The following TTI1 variants were observed in gnomAD, a reference collection of about 807,000 sequenced individuals.
TTI1 encodes the protein TELO2-interacting protein 1 homolog.
In TTI1, 52 loss-of-function variants were observed where a neutral mutation model predicts 85.4. The observed-to-expected ratio is 0.61, with a 90% CI of 0.49 to 0.77. The LOEUF (loss-of-function observed/expected upper bound fraction) is 0.77. Ranked by LOEUF, TTI1 falls within the 30% of genes least tolerant of loss-of-function variation. The pLI is 0.00. For synonymous variants in TTI1, 512 were observed against 503.9 expected (o/e 1.02, Z -0.22); for missense variants, 1,173 against 1,296.0 (o/e 0.91, Z 1.46).
chr20:37,987,178 G>T (rs143691543), intron 7 of TTI1: 8 of 456,700 alleles, frequency 1.8e-5, no homozygotes, highest in Non-Finnish European at 3.5e-5. Flanking sequence ...AGTCCTTAGC[G>T]CCAGGCTTTG....
intron 3 of TTI1, among the ~76,000 whole-genome samples, chr20:38,003,205 C>A (rs1482150390): frequency 1.3e-5 from 2 of 152,140 alleles, no homozygotes; most frequent in Non-Finnish European, 2.9e-5. Context: ...TCAAGCAATC[C>A]CCCTGCCGTG....
In TTI1 at chr20:38,012,707, G is replaced by C; in HGVS notation, c.1110C>G (p.Leu370=). 1 of 1,614,194 alleles carries C rather than the reference G, an allele frequency of 6.2e-7. No homozygotes were observed. The highest frequency in any genetic ancestry group is 1.1e-5 in the South Asian group (1 of 91,078). Residue 370 remains leucine, a synonymous_variant, in exon 2 of 8, where the codon CTC becomes CTG. Coordinates refer to ENST00000373447, the MANE Select transcript of TTI1 (RefSeq NM_001303457.2). ...DQKVVVGNKA[L]ADILSESLHS... ...GCAGGCTTTCTGACAAGATGTCAGC[G>C]AGGGCTTTGTTGCCCACCACTACTT...
chr20:37,984,292 G>T (rs1371619988), intron 7 of TTI1, among the ~76,000 whole-genome samples: 2 of 152,212 alleles, frequency 1.3e-5, no homozygotes, highest in East Asian at 1.9e-4. Context: ...GGCAGGACTG[G>T]CTGAGCTCTG....
intron 5 of TTI1, 33 bp from the exon 6 acceptor site, chr20:37,996,986 C>A: frequency 6.2e-7 from 1 of 1,603,856 alleles, no homozygotes; most frequent in South Asian, 1.1e-5. Context: ...GGTGAGTGAA[C>A]ATTGCCAAGG....
rs150108702 is a variant in TTI1, at chr20:38,010,887, C to T, written c.2302+628G>A. On this transcript the variant is annotated intron_variant, in intron 2 of 7. Transcript: ENST00000373447. ...CAATTAAAAGGTTAAAAGGAAGTTT[C>T]TAGACCTGCTCTGTCCAGTATGGTA... is the stretch of plus-strand genomic sequence containing the variant. Among the ~76,000 whole-genome samples the T allele has an allele frequency of 5.6e-3, 849 of 152,288 alleles. 4 individuals are homozygous for T. The highest frequency in any genetic ancestry group is 0.01 in the Middle Eastern group (3 of 294).
rs1243767576 is a variant in TTI1 at position 37,992,197 on chromosome 20, G to C, written c.3086+4178C>G. On this transcript the variant is annotated intron_variant, in intron 7 of 7. Transcript: ENST00000373447. ...ATCTGGGCTCTGGGGTTAGCAGGTGGGAGTAGGACTGGGGGTGGAGGCCAA... is the reference window on the plus strand; with the variant it reads ...ATCTGGGCTCTGGGGTTAGCAGGTGCGAGTAGGACTGGGGGTGGAGGCCAA... Among the ~76,000 whole-genome samples, 4 of 152,286 alleles carry C rather than the reference G, an allele frequency of 2.6e-5. No homozygotes were observed. The East Asian group carries it at 7.7e-4, about 29-fold the overall frequency.
intron 1 of TTI1, 168 bp from the exon 2 acceptor site, chr20:38,014,025 T>C (rs1229407203): frequency 1.6e-6 from 1 of 618,940 alleles, no homozygotes; most frequent in South Asian, 2.1e-5. Flanking sequence ...GGGAAGTACA[T>C]GTACAGTTAC....
At chr20:37,995,734 G>A (rs776662173) in intron 7 of TTI1, among the ~76,000 whole-genome samples, 33 of 152,232 alleles carry the variant, frequency 2.2e-4, no homozygotes, top group Admixed American at 6.5e-5. Context: ...TCTCCTAGAG[G>A]TGATACAGCT....
intron 7 of TTI1, among the ~76,000 whole-genome samples, chr20:37,984,109 A>G (rs139794458): frequency 2.5e-3 from 381 of 152,284 alleles, no homozygotes; most frequent in African/African-American, 8.2e-3. Flanking sequence ...ATGGTCCTCC[A>G]GCACGCTGCT....
intron 7 of TTI1, among the ~76,000 whole-genome samples, 159 bp from the exon 8 acceptor site, chr20:37,983,798 A>G (rs2073154086): frequency 6.6e-6 from 1 of 152,250 alleles, no homozygotes; most frequent in African/African-American, 2.4e-5. Flanking sequence ...TGAGTTCCTA[A>G]GACAGGACCA....
In TTI1 at chr20:38,011,546, G is replaced by A; in HGVS notation, c.2271C>T (p.Val757=). 6.2e-7 allele frequency: 1 copy of A among 1,614,180 alleles called. No homozygotes were observed. Among genetic ancestry groups the A allele is most frequent in the South Asian group, 1.1e-5 (1 of 91,076 alleles). The part of the protein sequence containing the change: ...QFYDKRAASF[V]SVLHALMAAL... ...CTGCCATCAGAGCATGCAGAACGCT[G>A]ACAAAGGAAGCAGCTCTCTTATCGT... The change falls in exon 2 of 8, where the codon GTC becomes GTT. Residue 757 remains valine, a synonymous_variant. Coordinates refer to ENST00000373447, the MANE Select transcript of TTI1 (RefSeq NM_001303457.2).
chr20:37,983,364 C>T lies in TTI1; in HGVS notation c.*92G>A, dbSNP rs563327478. On this transcript the variant is annotated 3_prime_UTR_variant, in exon 8 of 8. Coordinates refer to ENST00000373447, the MANE Select transcript of TTI1 (RefSeq NM_001303457.2). ...CTAACTAATTCACCTTCTCTGCTGCCGCTGCCACCGCCTATGGCCGGGGTG... is the reference window on the plus strand; with the variant it reads ...CTAACTAATTCACCTTCTCTGCTGCTGCTGCCACCGCCTATGGCCGGGGTG... The T allele has an allele frequency of 7.9e-5, 105 of 1,329,210 alleles. No individual in the cohort carries two copies. Among genetic ancestry groups the T allele is most frequent in the South Asian group, 4.0e-4 (29 of 72,942 alleles). 82.3% of individuals were successfully genotyped at this position (1,329,210 alleles called of 1,614,324 possible).
At chr20:38,025,311 G>A (rs2073822475) in intron 1 of TTI1, among the ~76,000 whole-genome samples, 1 of 152,188 alleles carries the variant, frequency 6.6e-6, no homozygotes, top group South Asian at 2.1e-4. Flanking sequence ...GCTCACACCT[G>A]TAACCCGAGC....
At chr20:38,010,465 T>TC in intron 2 of TTI1, among the ~76,000 whole-genome samples, 1 of 138,488 alleles carries the variant, frequency 7.2e-6, no homozygotes, top group Non-Finnish European at 1.5e-5. Context: ...ATTTTGCCAT[T>TC]CCTTTTTTTT....
chr20:38,008,161 G>A (rs191207447), intron 2 of TTI1, among the ~76,000 whole-genome samples: 1 of 152,284 alleles, frequency 6.6e-6, no homozygotes, highest in East Asian at 1.9e-4. Context: ...GGCAAAACTG[G>A]CACTCTCGTA....
chr20:37,997,061 A>T, intron 5 of TTI1, 108 bp from the exon 6 acceptor site: 2 of 1,225,908 alleles, frequency 1.6e-6, no homozygotes, highest in Non-Finnish European at 2.2e-6. Flanking sequence ...GGGGGAAAAA[A>T]AAAATAGAAT....
rs374466573 is a variant in TTI1, at chr20:38,012,520, T to C, written c.1297A>G (p.Ile433Val). 5.0e-6 allele frequency: 8 copies of C among 1,614,078 alleles called. No individual in the cohort carries two copies. The highest frequency in any genetic ancestry group is 1.6e-4 in the Middle Eastern group (1 of 6,084). The change falls in exon 2 of 8, where the codon ATC becomes GTC. Residue 433 changes from isoleucine to valine, a missense_variant. Ile to Val is a conservative substitution (Grantham distance 29). Coordinates refer to ENST00000373447, the MANE Select transcript of TTI1 (RefSeq NM_001303457.2). ...GCCACGTCTAGCTCTAGAACTTGGA[T>C]GAGTGCTTTGGAAAGCCGCTGGAGA... ...AHLQRLSKAL[I>V]QVLELDVADI...
In TTI1 at chr20:37,996,876, A is replaced by G; in HGVS notation, c.2871T>C (p.Ala957=). The G allele has an allele frequency of 1.2e-6, 2 of 1,614,214 alleles. No homozygotes were observed. The highest frequency in any genetic ancestry group is 1.3e-5 in the African/African-American group (1 of 75,070). The change falls in exon 6 of 8, where the codon GCT becomes GCC. Residue 957 remains alanine, a synonymous_variant. Transcript: ENST00000373447. ...RFCKDVLPKL[A]GSLVTQAPIS... ...TGGGGGCCTGGGTGACTAGGGAGCCAGCCAGCTTTGGCAGGACATCTTTGC... is the reference window on the plus strand; with the variant it reads ...TGGGGGCCTGGGTGACTAGGGAGCCGGCCAGCTTTGGCAGGACATCTTTGC...
At chr20:38,019,023 A>T (rs1014384220) in intron 1 of TTI1, 6 of 152,050 alleles carry the variant, frequency 3.9e-5, no homozygotes, top group African/African-American at 1.4e-4. Flanking sequence ...GGTGGTGTGC[A>T]CTAATAGTCC....
Sources: allele counts gnomAD v4.1 joint callset (sites outside exome capture counted in the v4.1 genomes callset), GRCh38; gene constraint gnomAD v4.1.1; transcripts MANE v1.5; gene names NCBI Gene and HGNC (gene_info 2026-07-23, HGNC 2026-07-21).